The following TRERF1 variants were observed in gnomAD, a reference collection of about 807,000 sequenced individuals.
The protein encoded by TRERF1 is transcriptional regulating factor 1.
Under a neutral mutation model 122.9 loss-of-function variants are expected in TRERF1, and 27 were observed. That is an observed-to-expected ratio of 0.22 (90% CI 0.16 to 0.30). The LOEUF is 0.30. TRERF1 is among the 10% of genes least tolerant of loss of function. The pLI, the probability that TRERF1 is intolerant of heterozygous loss-of-function variation, is 1.00. For missense variants in TRERF1, 1,248 were observed against 1,560.3 expected (o/e 0.80, Z 3.37); for synonymous variants, 636 against 641.7 (o/e 0.99, Z 0.13).
chr6:42,257,838 C>A (rs113304393), intron 10 of TRERF1, among the ~76,000 whole-genome samples: 1,730 of 152,330 alleles, frequency 0.011, 18 homozygotes, highest in South Asian at 0.026. Flanking sequence ...ATGAGCCACC[C>A]GGAGGGAGAT....
chr6:42,257,100 C>A (rs376023255), exon 11 of TRERF1: 2 of 1,613,926 alleles, frequency 1.2e-6, no homozygotes, highest in Non-Finnish European at 1.7e-6. Flanking sequence ...AATGTTGATG[C>A]GTCTTTAAAT....
intron 2 of TRERF1, among the ~76,000 whole-genome samples, chr6:42,385,223 T>G (rs1465378275): frequency 6.6e-6 from 1 of 152,148 alleles, no homozygotes; most frequent in African/African-American, 2.4e-5. Context: ...GTGATCCACC[T>G]GCCTTGGCCT....
rs867638163 is a variant in TRERF1 at position 42,269,777 on chromosome 6, G to C, written c.-187C>G. ...GCCTGTACCACTCATGTGCAGGGCG[G>C]GGGGTTTCACATCCTCTCCCTGGCT... On this transcript the variant is annotated 5_prime_UTR_variant, in exon 5 of 18. Coordinates refer to ENST00000372922, the Ensembl canonical transcript of TRERF1. The surrounding 1 kb of genome is among the most constrained non-coding windows in gnomAD (Gnocchi z 4.9). The C allele has an allele frequency of 4.2e-6, 6 of 1,428,760 alleles. No individual in the cohort carries two copies. The highest frequency in any genetic ancestry group is 2.6e-4 in the Middle Eastern group (1 of 3,884). 88.5% of individuals were successfully genotyped at this position (1,428,760 alleles called of 1,614,324 possible).
intron 2 of TRERF1, among the ~76,000 whole-genome samples, chr6:42,385,230 G>A (rs1776596701): frequency 6.6e-6 from 1 of 152,024 alleles, no homozygotes; most frequent in East Asian, 1.9e-4. Flanking sequence ...ACCTGCCTTG[G>A]CCTCCCAAAG....
intron 2 of TRERF1, among the ~76,000 whole-genome samples, chr6:42,381,618 T>G (rs1775937311): frequency 6.6e-6 from 1 of 151,778 alleles, no homozygotes; most frequent in Non-Finnish European, 1.5e-5. Flanking sequence ...AGCCCAGCCG[T>G]GATTGAAGCT....
At chr6:42,385,041 G>A (rs1471402754) in intron 2 of TRERF1, among the ~76,000 whole-genome samples, 1 of 152,052 alleles carries the variant, frequency 6.6e-6, no homozygotes, top group Non-Finnish European at 1.5e-5. Flanking sequence ...GCAGTGGTGC[G>A]ATCTCGGCTC....
At chr6:42,403,938 C>T (rs908274474) in intron 2 of TRERF1, among the ~76,000 whole-genome samples, 4 of 151,712 alleles carry the variant, frequency 2.6e-5, no homozygotes, top group Admixed American at 2.0e-4. Context: ...GAGACCCCCC[C>T]CAGGCCTTGC....
rs555817734 is a variant in TRERF1 at position 42,299,155 on chromosome 6, G to T, written c.-259+1483C>A. Among the ~76,000 whole-genome samples, 9 of 134,994 alleles carry T rather than the reference G, an allele frequency of 6.7e-5. No individual in the cohort carries two copies. In the East Asian group the frequency reaches 1.2e-3, roughly 18 times the overall value. 88.6% of individuals were successfully genotyped at this position (134,994 alleles called of 152,430 possible). On this transcript the variant is annotated intron_variant, in intron 4 of 17. Transcript: ENST00000372922. ...CTATCTACATATATATATATATCTA[G>T]CTAGCTGGATAACCCCTGAAAAAAC...
intron 3 of TRERF1, among the ~76,000 whole-genome samples, chr6:42,320,316 A>G (rs1003542681): frequency 1.3e-5 from 2 of 152,154 alleles, no homozygotes; most frequent in Non-Finnish European, 2.9e-5. Context: ...TTTAGGATTA[A>G]AAGTTCCTAC....
intron 3 of TRERF1, among the ~76,000 whole-genome samples, chr6:42,315,516 A>C (rs1396244697): frequency 6.6e-6 from 1 of 152,194 alleles, no homozygotes; most frequent in African/African-American, 2.4e-5. Flanking sequence ...CGCTTAGAGC[A>C]CAGAAGCAGG....
intron 4 of TRERF1, among the ~76,000 whole-genome samples, chr6:42,280,081 G>A (rs1273929253): frequency 6.6e-6 from 1 of 152,010 alleles, no homozygotes; most frequent in African/African-American, 2.4e-5. Context: ...AGGTTATGAC[G>A]TCGGTGCCAC....
chr6:42,338,758 C>T (rs1017246390), intron 3 of TRERF1, among the ~76,000 whole-genome samples: 3 of 152,158 alleles, frequency 2.0e-5, no homozygotes, highest in Non-Finnish European at 4.4e-5. Flanking sequence ...TAGAATGGGA[C>T]CTACCAGAGG....
intron 2 of TRERF1, among the ~76,000 whole-genome samples, chr6:42,429,655 G>A (rs1054058803): frequency 2.0e-5 from 3 of 152,126 alleles, no homozygotes; most frequent in African/African-American, 4.8e-5. Flanking sequence ...GGGCCCTCCC[G>A]AGCCCCCAAG....
At position 42,269,425 on chromosome 6, in the gene TRERF1, G is replaced by A; in HGVS notation, c.166C>T (p.His56Tyr). The A allele has an allele frequency of 6.2e-7, 1 of 1,614,196 alleles. No individual in the cohort carries two copies. The highest frequency in any genetic ancestry group is 1.1e-5 in the South Asian group (1 of 91,084). Residue 56 changes from histidine (H) to tyrosine (Y), a missense_variant, in exon 5 of 18, where the codon CAC (histidine) becomes TAC (tyrosine). By Grantham distance (83) the His-to-Tyr change is moderately conservative (BLOSUM62 2). This residue lies in a region of TRERF1 where 946 missense variants were observed against 1,073.0 expected (regional missense o/e 0.88). Coordinates refer to ENST00000372922, the Ensembl canonical transcript of TRERF1. This position sits in a 1 kb window ranked among gnomAD's most constrained non-coding sequence, Gnocchi z 4.9. ...CCATCCCGTGTATCTTGAGGGAAGT[G>A]GGGGGAGATTGGCGAGGCCTGAGGG...
chr6:42,321,516 T>G (rs1763453575), intron 3 of TRERF1, among the ~76,000 whole-genome samples: 1 of 152,190 alleles, frequency 6.6e-6, no homozygotes, highest in Non-Finnish European at 1.5e-5. Context: ...ATTACTTGGC[T>G]CCAAAGAGAA....
chr6:42,441,663 TA>T (rs1000787199), intron 2 of TRERF1, among the ~76,000 whole-genome samples: 252 of 142,116 alleles, frequency 1.8e-3, no homozygotes, highest in Non-Finnish European at 1.4e-3. Context: ...ACCAGAGGTT[TA>T]AAAAAAAAAA....
At chr6:42,340,056 C>T (rs1376495729) in intron 3 of TRERF1, among the ~76,000 whole-genome samples, 4 of 152,178 alleles carry the variant, frequency 2.6e-5, no homozygotes, top group Admixed American at 2.6e-4. Context: ...GCACCCACCC[C>T]AGGGCTAAGT....
chr6:42,268,617 T>C lies in TRERF1; in HGVS notation c.974A>G (p.Gln325Arg). 1 of 1,613,950 alleles carries C rather than the reference T, an allele frequency of 6.2e-7. No individual in the cohort carries two copies. The highest frequency in any genetic ancestry group is 8.5e-7 in the Non-Finnish European group (1 of 1,179,808). The change falls in exon 5 of 18, where the codon CAG (glutamine) becomes CGG (arginine). Residue 325 changes from glutamine (Q) to arginine (R), a missense_variant. Gln to Arg is a conservative substitution (Grantham distance 43). Transcript: ENST00000372922. The surrounding 1 kb of genome is among the most constrained non-coding windows in gnomAD (Gnocchi z 4.4). ...CATCATGGGTTGGGGCTGATAATAC[T>C]GAGGTATCTGCATTGAACCCTGCCG...
intron 2 of TRERF1, among the ~76,000 whole-genome samples, chr6:42,406,762 AC>A (rs1239587641): frequency 8.0e-6 from 1 of 125,768 alleles, no homozygotes; most frequent in Non-Finnish European, 1.7e-5. Flanking sequence ...CTTACCCCCC[AC>A]CCCCCTCCTC....
Sources: gnomAD v4.1 joint callset for allele counts (sites outside exome capture counted in the v4.1 genomes callset) on GRCh38, gnomAD v4.1.1 for gene constraint, gnomAD v4.1.1 regional missense constraint, Gnocchi (gnomAD v3.1) non-coding constraint, MANE v1.5 for transcripts, NCBI Gene and HGNC (gene_info 2026-07-23, HGNC 2026-07-21) for gene names.